The following FSTL5 variants were observed in gnomAD, a reference collection of about 807,000 sequenced individuals.
The protein encoded by FSTL5 is follistatin like 5, also known as follistatin-related protein 5.
FSTL5 carries 62 observed loss-of-function variants against 89.1 expected under a neutral mutation model. The observed-to-expected ratio is 0.70, with a 90% CI of 0.57 to 0.86. The LOEUF (loss-of-function observed/expected upper bound fraction) is 0.86, where lower values mean the gene tolerates loss of function less well. Among genes scored for constraint, FSTL5 ranks in the 40% least tolerant of loss-of-function variants. The probability of loss-of-function intolerance (pLI) is 0.00; values close to 1 mark genes in which losing one functional copy is unlikely to be tolerated. For synonymous variants in FSTL5, 383 were observed against 346.2 expected, an observed-to-expected ratio of 1.11 and a Z score of -1.18; for missense variants, 1,057 against 1,001.6, an observed-to-expected ratio of 1.06 and a Z score of -0.75.
At chr4:161,956,252 G>T (rs948136163) in intron 3 of FSTL5, among the ~76,000 whole-genome samples, 1 of 146,556 alleles carries the variant, frequency 6.8e-6, no homozygotes, top group African/African-American at 2.4e-5. Context: ...TTACAACCAA[G>T]TTTAGTTCTT....
At chr4:161,406,708 G>A (rs766958106) in intron 15 of FSTL5, among the ~76,000 whole-genome samples, 50 of 152,000 alleles carry the variant, frequency 3.3e-4, no homozygotes, top group Non-Finnish European at 6.9e-4. Context: ...CAGTTTTGAC[G>A]TAAAATGTGT....
chr4:161,887,214 C>A (rs1579169219), intron 4 of FSTL5, among the ~76,000 whole-genome samples: 1 of 152,180 alleles, frequency 6.6e-6, no homozygotes, highest in East Asian at 1.9e-4. Flanking sequence ...AACATTGAGA[C>A]CTCTGCTCAG....
At chr4:162,052,434 A>G (rs1055568732) in intron 2 of FSTL5, among the ~76,000 whole-genome samples, 6 of 151,930 alleles carry the variant, frequency 3.9e-5, no homozygotes, top group Admixed American at 1.3e-4. Flanking sequence ...TTTCTATATT[A>G]TAATACTTTT....
chr4:161,868,026 G>T (rs1367641725), intron 4 of FSTL5, among the ~76,000 whole-genome samples: 1 of 152,024 alleles, frequency 6.6e-6, no homozygotes, highest in Non-Finnish European at 1.5e-5. Flanking sequence ...TCTACAGTAT[G>T]CTCTCAACCA....
intron 3 of FSTL5, among the ~76,000 whole-genome samples, chr4:161,978,144 T>G (rs1735717159): frequency 6.6e-6 from 1 of 152,222 alleles, no homozygotes; most frequent in South Asian, 2.1e-4. Flanking sequence ...TAAGAGTTCC[T>G]ATTATTTATA....
chr4:161,589,340 G>A (rs969589374), intron 7 of FSTL5, among the ~76,000 whole-genome samples: 8 of 151,744 alleles, frequency 5.3e-5, no homozygotes, highest in African/African-American at 1.7e-4. Context: ...GTGCCACCAC[G>A]CCCTGCTAAT....
At chr4:162,142,838 T>C (rs1732802357) in intron 1 of FSTL5, among the ~76,000 whole-genome samples, 1 of 152,220 alleles carries the variant, frequency 6.6e-6, no homozygotes, top group Non-Finnish European at 1.5e-5. Context: ...AATTATTTAG[T>C]CTTTCTACTT....
chr4:161,807,688 T>C (rs1040238809), intron 4 of FSTL5, among the ~76,000 whole-genome samples: 14 of 152,138 alleles, frequency 9.2e-5, no homozygotes, highest in Non-Finnish European at 1.6e-4. Context: ...TATTTAGAAA[T>C]ATAAATGATT....
intron 4 of FSTL5, among the ~76,000 whole-genome samples, chr4:161,853,096 A>C (rs1330515860): frequency 6.6e-6 from 1 of 152,202 alleles, no homozygotes. Context: ...ATGGGTTCCT[A>C]ATAGCCTCCC....
chr4:161,763,841 G>A (rs373096331), intron 5 of FSTL5, among the ~76,000 whole-genome samples: 32 of 151,988 alleles, frequency 2.1e-4, no homozygotes, highest in Non-Finnish European at 3.4e-4. Flanking sequence ...ATACCCCTTC[G>A]GTGAGAAGAA....
rs1055865849 is a variant in FSTL5, at chr4:161,709,994, G to A, written c.727+49417C>T. Among the ~76,000 whole-genome samples the A allele has an allele frequency of 1.4e-4, 21 of 152,046 alleles. No individual in the cohort carries two copies. In the South Asian group the frequency reaches 3.1e-3, roughly 23 times the overall value. On this transcript the variant is annotated intron_variant, in intron 6 of 15. Coordinates refer to ENST00000306100, the MANE Select transcript of FSTL5 (RefSeq NM_020116.5). ...TGGTGGTAGTTGTTTTTTGAGACAG[G>A]ATCTCCCTCTGTCACCCAGGGTGGA...
chr4:162,060,475 A>T (rs1308127317), intron 2 of FSTL5, among the ~76,000 whole-genome samples: 1 of 152,046 alleles, frequency 6.6e-6, no homozygotes, highest in Non-Finnish European at 1.5e-5. Flanking sequence ...TAAGCTTCAA[A>T]ATTAAAAATT....
intron 6 of FSTL5, among the ~76,000 whole-genome samples, chr4:161,722,094 A>T (rs1362294711): frequency 1.3e-5 from 2 of 152,148 alleles, no homozygotes; most frequent in Non-Finnish European, 2.9e-5. Flanking sequence ...CTCTGGAATG[A>T]TATGCCTAGC....
At chr4:161,671,483 C>T (rs1737111642) in intron 6 of FSTL5, among the ~76,000 whole-genome samples, 1 of 152,136 alleles carries the variant, frequency 6.6e-6, no homozygotes, top group African/African-American at 2.4e-5. Flanking sequence ...ATTTCTTCTC[C>T]GAGTTTTTAC....
intron 2 of FSTL5, among the ~76,000 whole-genome samples, chr4:162,062,944 C>G (rs866560585): frequency 4.6e-5 from 7 of 151,442 alleles, no homozygotes; most frequent in Admixed American, 2.0e-4. Context: ...TTCATGGTTT[C>G]TTGCCTTAGG....
chr4:162,080,493 T>G (rs915264278), intron 2 of FSTL5, among the ~76,000 whole-genome samples: 1 of 151,648 alleles, frequency 6.6e-6, no homozygotes, highest in Admixed American at 6.6e-5. Context: ...CATAAAAACT[T>G]CTCTGGAAAT....
In FSTL5 at chr4:161,949,655, T is replaced by G. The variant is rs189932727; in HGVS notation, c.161-29003A>C. On this transcript the variant is annotated intron_variant, in intron 3 of 15. Coordinates refer to ENST00000306100, the MANE Select transcript of FSTL5 (RefSeq NM_020116.5). ...CAGATTTCAAACGTATTGTTTATAG[T>G]AATTATTATATTTTTTCTATATGTT... Among the ~76,000 whole-genome samples, 6 of 152,004 alleles carry G rather than the reference T, an allele frequency of 3.9e-5. No homozygotes were observed. In the East Asian group the frequency reaches 1.2e-3, roughly 29 times the overall value.
intron 4 of FSTL5, among the ~76,000 whole-genome samples, chr4:161,831,290 GATATA>G (rs938929693): frequency 6.6e-6 from 1 of 151,504 alleles, no homozygotes; most frequent in African/African-American, 2.4e-5. Flanking sequence ...CCAATTAATA[GATATA>G]ATATAAAATT....
intron 6 of FSTL5, among the ~76,000 whole-genome samples, chr4:161,682,602 A>C (rs1737562249): frequency 3.0e-5 from 1 of 33,630 alleles, no homozygotes; most frequent in South Asian, 4.2e-4. Flanking sequence ...GAACATTATC[A>C]CCATCTTCCC....
Sources: gnomAD v4.1 joint callset for allele counts (sites outside exome capture counted in the v4.1 genomes callset) on GRCh38, gnomAD v4.1.1 for gene constraint, MANE v1.5 for transcripts, NCBI Gene and HGNC (gene_info 2026-07-23, HGNC 2026-07-21) for gene names.